KMT2C: variants seen among roughly 807,000 people sequenced by gnomAD.
KMT2C encodes histone-lysine N-methyltransferase 2C.
KMT2C carries 88 observed loss-of-function variants against 507.9 expected under a neutral mutation model. The observed-to-expected ratio is 0.17, with a 90% confidence interval of 0.15 to 0.21. The LOEUF is 0.21. Ranked by LOEUF, KMT2C falls within the 10% of genes least tolerant of loss-of-function variation. KMT2C has a pLI of 1.00. For synonymous variants in KMT2C, 2,049 were observed against 2,080.8 expected (o/e 0.98, Z 0.42); for missense variants, 4,954 against 5,957.8 (o/e 0.83, Z 5.55).
At position 152,182,049 on chromosome 7, in the gene KMT2C, T is replaced by A; in HGVS notation, c.5811A>T (p.Gln1937His). 6.2e-7 allele frequency: 1 copy of A among 1,614,184 alleles called. No homozygotes were observed. Among genetic ancestry groups the A allele is most frequent in the South Asian group, 1.1e-5 (1 of 91,080 alleles). The stretch of plus-strand genomic sequence containing the variant: ...GCCTATTTGCTGTTGTCTCATTCAT[T>A]TGAAGGGGCCTAGATACCGATGATA... The part of the protein sequence containing the change: ...TPLSSVSRPL[Q>H]MNETTANRPS... Residue 1937 changes from glutamine to histidine, a missense_variant, in exon 36 of 59, where the codon CAA becomes CAT. Gln to His is a conservative substitution (Grantham distance 24). Around this residue, in one of 29 missense-constraint regions of KMT2C, gnomAD observed 1,689 missense variants for 1,654.3 expected, o/e 1.02. Transcript: ENST00000262189.
At chr7:152,429,654 G>A (rs2097849517) in intron 1 of KMT2C, among the ~76,000 whole-genome samples, 1 of 151,620 alleles carries the variant, frequency 6.6e-6, no homozygotes, top group Non-Finnish European at 1.5e-5. Flanking sequence ...CCGAGTCACT[G>A]GGACTATAGG....
rs2129113198 is a variant in KMT2C at position 152,176,525 on chromosome 7, G to C, written c.8928C>G (p.Val2976=). 6.2e-7 allele frequency: 1 copy of C among 1,614,170 alleles called. No homozygotes were observed. Among genetic ancestry groups the C allele is most frequent in the Non-Finnish European group, 8.5e-7 (1 of 1,180,032 alleles). Residue 2976 remains valine, a synonymous_variant, in exon 38 of 59, where the codon GTC becomes GTG. Transcript: ENST00000262189. Reference sequence around the variant, plus strand: ...GAGAAAAAACATGGTTTACCCTAGAGACTACTGTCACATTAGAATTCATGG... The same window carrying C: ...GAGAAAAAACATGGTTTACCCTAGACACTACTGTCACATTAGAATTCATGG... ...DNAMNSNVTV[V]SRVNHVFSQG...
intron 7 of KMT2C, among the ~76,000 whole-genome samples, chr7:152,271,134 T>C (rs1310836842): frequency 6.6e-6 from 1 of 152,188 alleles, no homozygotes; most frequent in African/African-American, 2.4e-5. Flanking sequence ...ATTCCATTCA[T>C]TGTTTTCATT....
intron 1 of KMT2C, chr7:152,368,338 C>G: frequency 8.3e-7 from 1 of 1,198,872 alleles, no homozygotes. Context: ...GAATAAAGGG[C>G]AGCTGACTAA....
At chr7:152,149,926 A>G (rs1253072259) in intron 51 of KMT2C, among the ~76,000 whole-genome samples, 1 of 152,248 alleles carries the variant, frequency 6.6e-6, no homozygotes, top group Non-Finnish European at 1.5e-5. Flanking sequence ...GTGAAAAAAA[A>G]AATCCTTCTT....
intron 6 of KMT2C, among the ~76,000 whole-genome samples, chr7:152,280,548 G>GAA (rs756022511): frequency 7.3e-4 from 111 of 152,058 alleles, no homozygotes; most frequent in Non-Finnish European, 1.3e-3. Context: ...AAGAAAGAAA[G>GAA]AAAGAAAATG....
At chr7:152,266,083 C>T (rs2095854015) in intron 7 of KMT2C, among the ~76,000 whole-genome samples, 1 of 152,282 alleles carries the variant, frequency 6.6e-6, no homozygotes, top group African/African-American at 2.4e-5. Context: ...ACAAGTATCA[C>T]AAAGTATATG....
chr7:152,147,122 T>C (rs2091178250), intron 52 of KMT2C, among the ~76,000 whole-genome samples: 1 of 152,224 alleles, frequency 6.6e-6, no homozygotes, highest in Admixed American at 6.5e-5. Flanking sequence ...GTTAAATTGA[T>C]ATTTTCTTTG....
At chr7:152,395,969 T>TTAC (rs1363274074) in intron 1 of KMT2C, among the ~76,000 whole-genome samples, 8 of 152,216 alleles carry the variant, frequency 5.3e-5, no homozygotes, top group Non-Finnish European at 1.0e-4. Flanking sequence ...CATGTGTAAC[T>TTAC]TACTGCCCGC....
At chr7:152,206,903 C>T (rs368180782) in intron 24 of KMT2C, among the ~76,000 whole-genome samples, 1 of 152,190 alleles carries the variant, frequency 6.6e-6, no homozygotes, top group South Asian at 2.1e-4. Context: ...CCTGCATAAA[C>T]ACTGAAATAA....
intron 1 of KMT2C, among the ~76,000 whole-genome samples, chr7:152,390,075 G>A (rs1201676884): frequency 3.3e-5 from 5 of 152,192 alleles, no homozygotes; most frequent in Admixed American, 6.5e-5. Flanking sequence ...AGGTAGAAGA[G>A]GAGGCACACA....
At chr7:152,366,900 CT>C in intron 1 of KMT2C, 1 of 422,370 alleles carries the variant, frequency 2.4e-6, no homozygotes, top group Non-Finnish European at 4.3e-6. Context: ...GCGGCGCGAG[CT>C]GGCGCTGCGA....
At chr7:152,159,968 T>C (rs938139404) in intron 43 of KMT2C, among the ~76,000 whole-genome samples, 1 of 152,232 alleles carries the variant, frequency 6.6e-6, no homozygotes, top group African/African-American at 2.4e-5. Context: ...AAGAGCCAGA[T>C]GATAAATATT....
intron 9 of KMT2C, among the ~76,000 whole-genome samples, chr7:152,261,872 T>C (rs1489218921): frequency 6.6e-6 from 1 of 152,110 alleles, no homozygotes; most frequent in Non-Finnish European, 1.5e-5. Flanking sequence ...GAATCTGAAC[T>C]ACCTGAGGAA....
chr7:152,366,828 T>A (rs1483044013), intron 1 of KMT2C: 1 of 237,784 alleles, frequency 4.2e-6, no homozygotes, highest in African/African-American at 2.3e-5. Flanking sequence ...CCGCCGCCCA[T>A]CAGCTATGGA....
Position 152,194,018 on chromosome 7 carries a change from G to A in KMT2C, c.4651C>T (p.His1551Tyr). Reference protein sequence around the residue: ...PPPPTQLLPIHNQDAFSRMPL... With the variant: ...PPPPTQLLPIYNQDAFSRMPL... ...TAAAGTCATAACATACCCTGATTGT[G>A]TATTGGCAACAGCTGTGTTGGTGGG... The change falls in exon 31 of 59, where the codon CAC (histidine) becomes TAC (tyrosine). Residue 1551 changes from histidine to tyrosine, a missense_variant. His to Tyr is a moderately conservative substitution (Grantham distance 83, BLOSUM62 2). Coordinates refer to ENST00000262189, the MANE Select transcript of KMT2C (RefSeq NM_170606.3). 6.4e-7 allele frequency: 1 copy of A among 1,562,088 alleles called. No individual in the cohort carries two copies. Among genetic ancestry groups the A allele is most frequent in the Admixed American group, 2.1e-5 (1 of 46,930 alleles).
At chr7:152,278,726 G>A (rs2096138655) in intron 6 of KMT2C, among the ~76,000 whole-genome samples, 3 of 152,248 alleles carry the variant, frequency 2.0e-5, no homozygotes, top group Non-Finnish European at 4.4e-5. Context: ...CTAAAAAGCA[G>A]TGAACAAGTC....
chr7:152,230,967 C>T (rs1172417300), intron 16 of KMT2C, among the ~76,000 whole-genome samples: 2 of 152,120 alleles, frequency 1.3e-5, no homozygotes, highest in East Asian at 1.9e-4. Flanking sequence ...CAGTTGTCCA[C>T]CGCCATGCCC....
In KMT2C at chr7:152,423,110, G is replaced by A. The variant is rs182778422; in HGVS notation, c.161+12516C>T. On this transcript the variant is annotated intron_variant, in intron 1 of 58. Coordinates refer to ENST00000262189, the MANE Select transcript of KMT2C (RefSeq NM_170606.3). ...AATTCCAAAACTTTGGGAGGCCAAA[G>A]CAGGTGGATCACCAGAGGTCAGGAG... is the stretch of plus-strand genomic sequence containing the variant. Among the ~76,000 whole-genome samples, 88 of 152,108 alleles carry A rather than the reference G, an allele frequency of 5.8e-4. 1 individual carries two copies. Among genetic ancestry groups the A allele is most frequent in the Admixed American group, 1.9e-3 (29 of 15,272 alleles).
Sources: allele counts gnomAD v4.1 joint callset (sites outside exome capture counted in the v4.1 genomes callset), GRCh38; gene constraint gnomAD v4.1.1; regional missense constraint gnomAD v4.1.1; transcripts MANE v1.5; gene names NCBI Gene and HGNC (gene_info 2026-07-23, HGNC 2026-07-21).